Variants in IL22RA1 observed in about 807,000 individuals in gnomAD.
IL22RA1 encodes the protein interleukin-22 receptor subunit alpha-1.
IL22RA1 carries 25 observed loss-of-function variants against 32.8 expected under a neutral mutation model. The ratio of observed to expected loss-of-function variants is 0.76; its 90% CI spans 0.55 to 1.06. The LOEUF (loss-of-function observed/expected upper bound fraction) is 1.06. Among genes scored for constraint, IL22RA1 ranks in the 50% least tolerant of loss-of-function variants. IL22RA1 has a pLI of 0.00. For missense variants in IL22RA1, 709 were observed against 727.4 expected (o/e 0.97, Z 0.29); for synonymous variants, 305 against 305.0 (o/e 1.00, Z 0.00).
In IL22RA1 at chr1:24,120,695, G is replaced by T; in HGVS notation, c.*110C>A. On this transcript the variant is annotated 3_prime_UTR_variant, in exon 7 of 7. Coordinates refer to ENST00000270800, the MANE Select transcript of IL22RA1 (RefSeq NM_021258.4). ...CCCTCTGCTTCTCTCAAGGGCACCC[G>T]TCTGAGGCCAGATCGCAGAGTGTGT... 1 of 1,088,020 alleles carries T rather than the reference G, an allele frequency of 9.2e-7. No homozygotes were observed. The highest frequency in any genetic ancestry group is 1.3e-6 in the Non-Finnish European group (1 of 750,806). The allele number at this position is 1,088,020 out of a possible 1,614,324, so 67.4% of individuals were successfully genotyped here.
Position 24,134,356 on chromosome 1 carries a change from A to G in IL22RA1, c.386T>C (p.Ile129Thr). The G allele has an allele frequency of 1.3e-6, 2 of 1,569,060 alleles. No homozygotes were observed. The highest frequency in any genetic ancestry group is 1.7e-6 in the Non-Finnish European group (2 of 1,155,390). The change falls in exon 4 of 7, where the codon ATC (isoleucine) becomes ACC (threonine). Residue 129 changes from isoleucine (I) to threonine (T), a missense_variant. By Grantham distance (89) the Ile-to-Thr change is moderately conservative. Coordinates refer to ENST00000270800, the MANE Select transcript of IL22RA1 (RefSeq NM_021258.4). ...CATCTGAATCGATCTCACTTTGGAG[A>G]TACAGGTCACATCAGGTGGCTTGAG... ...TTLKPPDVTC[I>T]SKVRSIQMIV...
intron 3 of IL22RA1, among the ~76,000 whole-genome samples, chr1:24,135,123 T>A (rs1644233544): frequency 6.6e-6 from 1 of 152,196 alleles, no homozygotes; most frequent in Non-Finnish European, 1.5e-5. Flanking sequence ...CTGTATGTCC[T>A]CAAAAAGGGA....
At position 24,128,225 on chromosome 1, in the gene IL22RA1, CTG is replaced by C. The variant is rs1310918719; in HGVS notation, c.584_585del (p.Thr195ArgfsTer93). 6.2e-7 allele frequency: 1 copy of C among 1,609,870 alleles called. No individual in the cohort carries two copies. Among genetic ancestry groups the C allele is most frequent in the Non-Finnish European group, 8.5e-7 (1 of 1,178,112 alleles). On this transcript the variant is annotated frameshift_variant, in exon 5 of 7. Transcript: ENST00000270800. LOFTEE classifies it high-confidence loss of function. Reference protein sequence around the residue: ...EYEFFGLTPDTEFLGTIMICV... With the variant: ...EYEFFGLTPDXEFLGTIMICV... ...CAAATCATGATGGTGCCAAGGAACT[CTG>C]TGTCAGGGGTCAGGCCGAAGAACTC...
At chr1:24,131,960 A>G (rs978738863) in intron 4 of IL22RA1, among the ~76,000 whole-genome samples, 1 of 152,188 alleles carries the variant, frequency 6.6e-6, no homozygotes, top group African/African-American at 2.4e-5. Flanking sequence ...CAACAATAAA[A>G]TATTTAATAA....
chr1:24,128,519 G>A (rs1262572415), intron 4 of IL22RA1, among the ~76,000 whole-genome samples: 1 of 113,594 alleles, frequency 8.8e-6, no homozygotes, highest in African/African-American at 2.8e-5. Context: ...ACTATATAAT[G>A]TGGTTATATA....
At chr1:24,131,433 A>G (rs1644204084) in intron 4 of IL22RA1, among the ~76,000 whole-genome samples, 1 of 152,380 alleles carries the variant, frequency 6.6e-6, no homozygotes, top group South Asian at 2.1e-4. Context: ...GTAAAAACAT[A>G]TATTATGCAA....
At chr1:24,139,095 A>G (rs1325458820) in intron 1 of IL22RA1, among the ~76,000 whole-genome samples, 4 of 152,228 alleles carry the variant, frequency 2.6e-5, no homozygotes, top group Admixed American at 2.6e-4. Context: ...AAGAAACTGC[A>G]TGCCCATTAG....
intron 4 of IL22RA1, among the ~76,000 whole-genome samples, chr1:24,133,728 A>G (rs1049478655): frequency 4.4e-4 from 67 of 152,336 alleles, no homozygotes; most frequent in African/African-American, 1.5e-3. Context: ...AACAAAAAAC[A>G]ATGTAAATAT....
intron 4 of IL22RA1, among the ~76,000 whole-genome samples, chr1:24,131,750 C>T (rs1569573087): frequency 6.6e-6 from 1 of 152,176 alleles, no homozygotes; most frequent in South Asian, 2.1e-4. Flanking sequence ...CTGAATAACA[C>T]AATTAATCAC....
At chr1:24,127,205 A>G (rs1038827231) in intron 5 of IL22RA1, among the ~76,000 whole-genome samples, 1 of 151,704 alleles carries the variant, frequency 6.6e-6, no homozygotes, top group East Asian at 1.9e-4. Context: ...AACAATAAAA[A>G]CCCACAAAAA....
intron 5 of IL22RA1, among the ~76,000 whole-genome samples, chr1:24,127,745 A>G (rs1287702825): frequency 6.6e-6 from 1 of 152,202 alleles, no homozygotes; most frequent in African/African-American, 2.4e-5. Context: ...AGCACTGCAG[A>G]AATGCTAGTT....
intron 4 of IL22RA1, among the ~76,000 whole-genome samples, chr1:24,131,275 T>C (rs1644203161): frequency 6.6e-6 from 1 of 152,214 alleles, no homozygotes; most frequent in South Asian, 2.1e-4. Flanking sequence ...CACAACTTTG[T>C]GAATAGGCAA....
chr1:24,122,597 A>C (rs1166573963), intron 6 of IL22RA1, among the ~76,000 whole-genome samples: 1 of 152,068 alleles, frequency 6.6e-6, no homozygotes, highest in Non-Finnish European at 1.5e-5. Context: ...GGAGTTTGAG[A>C]CCAGCCTGGC....
In IL22RA1 at chr1:24,134,283, C is replaced by G. The variant is rs753798336; in HGVS notation, c.459G>C (p.Arg153=). 4.3e-6 allele frequency: 7 copies of G among 1,610,278 alleles called. No homozygotes were observed. The East Asian group carries it at 1.6e-4, about 36-fold the overall frequency. Residue 153 remains arginine, a synonymous_variant, in exon 4 of 7, where the codon CGG becomes CGC. Coordinates refer to ENST00000270800, the MANE Select transcript of IL22RA1 (RefSeq NM_021258.4). The stretch of plus-strand genomic sequence containing the variant: ...CATGGAAGATGTCTTCCAGGGTTAG[C>G]CGGTGGCCATCGCCTGCACGGATTG... ...PTPIRAGDGH[R]LTLEDIFHDL...
intron 6 of IL22RA1, among the ~76,000 whole-genome samples, chr1:24,122,102 C>A (rs1644128057): frequency 6.6e-6 from 1 of 152,086 alleles, no homozygotes; most frequent in Admixed American, 6.5e-5. Context: ...CCCTGAGGGC[C>A]TAATACAGGG....
chr1:24,132,333 G>GTTT (rs756832081), intron 4 of IL22RA1, among the ~76,000 whole-genome samples: 9 of 135,250 alleles, frequency 6.7e-5, no homozygotes, highest in Non-Finnish European at 9.5e-5. Context: ...TTGTGTGTGT[G>GTTT]TTTTTTTTTT....
intron 1 of IL22RA1, 22 bp from the exon 2 acceptor site, chr1:24,138,736 G>A (rs1189329035): frequency 6.2e-7 from 1 of 1,611,856 alleles, no homozygotes; most frequent in Non-Finnish European, 8.5e-7. Flanking sequence ...TGGGAGGAGG[G>A]TGAGCAGGGG....
At position 24,121,283 on chromosome 1, in the gene IL22RA1, G is replaced by T. The variant is rs1644118652; in HGVS notation, c.1247C>A (p.Thr416Asn). ...GTGTTTAGGACTAGAAAGTGTCCCA[G>T]TGGGGGAGTCTTTGCCAGAACCTTC... Reference protein sequence around the residue: ...CMEGSGKDSPTGTLSSPKHLR... With the variant: ...CMEGSGKDSPNGTLSSPKHLR... The change falls in exon 7 of 7, where the codon ACT becomes AAT. Residue 416 changes from threonine (T) to asparagine (N), a missense_variant. By Grantham distance (65) the Thr-to-Asn change is moderately conservative. Transcript: ENST00000270800. 3 of 1,613,946 alleles carry T rather than the reference G, an allele frequency of 1.9e-6. No individual in the cohort carries two copies. In the African/African-American group the frequency reaches 4.0e-5, roughly 22 times the overall value.
Position 24,120,711 on chromosome 1 carries a change from CAG to C in IL22RA1, c.*92_*93del. 8.1e-7 allele frequency: 1 copy of C among 1,235,510 alleles called. No homozygotes were observed. Among genetic ancestry groups the C allele is most frequent in the Non-Finnish European group, 1.1e-6 (1 of 879,616 alleles). The allele number at this position is 1,235,510 out of a possible 1,614,324, so 76.5% of individuals were successfully genotyped here. A position where few individuals can be genotyped will look rare whatever the true frequency, so the allele number is the denominator to read the frequency against. The stretch of plus-strand genomic sequence containing the variant: ...AGGGCACCCGTCTGAGGCCAGATCG[CAG>C]AGTGTGTGGCGTGGGCAGGCATGGG... On this transcript the variant is annotated 3_prime_UTR_variant, in exon 7 of 7. Coordinates refer to ENST00000270800, the MANE Select transcript of IL22RA1 (RefSeq NM_021258.4).
Sources: allele counts gnomAD v4.1 joint callset (sites outside exome capture counted in the v4.1 genomes callset), GRCh38; gene constraint gnomAD v4.1.1; transcripts MANE v1.5; gene names NCBI Gene and HGNC (gene_info 2026-07-23, HGNC 2026-07-21).